The following DCC variants were observed in gnomAD, a reference collection of about 807,000 sequenced individuals.
The protein encoded by DCC is netrin receptor DCC.
A neutral mutation model predicts 172.5 loss-of-function variants in DCC; 58 were observed. The observed-to-expected ratio is 0.34, with a 90% CI of 0.27 to 0.42. The LOEUF (loss-of-function observed/expected upper bound fraction) is 0.42, where lower values mean the gene tolerates loss of function less well. DCC is among the 10% of genes least tolerant of loss of function. The pLI is 1.00. For missense variants in DCC, 1,740 were observed against 1,791.0 expected, an observed-to-expected ratio of 0.97 and a Z score of 0.51; for synonymous variants, 709 against 644.5, an observed-to-expected ratio of 1.10 and a Z score of -1.52.
chr18:52,578,774 G>T (rs1363553109), intron 1 of DCC, among the ~76,000 whole-genome samples: 1 of 152,164 alleles, frequency 6.6e-6, no homozygotes, highest in Non-Finnish European at 1.5e-5. Context: ...ACCGAGGTGG[G>T]TGGATCACGA....
chr18:52,506,214 C>T (rs2031225018), intron 1 of DCC, among the ~76,000 whole-genome samples: 1 of 152,028 alleles, frequency 6.6e-6, no homozygotes, highest in East Asian at 1.9e-4. Flanking sequence ...CTATGTCATA[C>T]ATTTTTAAAA....
chr18:53,291,604 G>T (rs2057005753), intron 12 of DCC, among the ~76,000 whole-genome samples: 1 of 151,670 alleles, frequency 6.6e-6, no homozygotes. Flanking sequence ...GCCTTTCTAG[G>T]GTGTAATTTT....
chr18:53,264,254 C>T (rs550180971), intron 12 of DCC, among the ~76,000 whole-genome samples: 26 of 151,974 alleles, frequency 1.7e-4, no homozygotes, highest in Admixed American at 7.2e-4. Context: ...TTTGGGAGGC[C>T]GAGGCAGGCA....
At chr18:52,741,626 CT>C (rs2036823449) in intron 1 of DCC, among the ~76,000 whole-genome samples, 1 of 152,110 alleles carries the variant, frequency 6.6e-6, no homozygotes, top group Non-Finnish European at 1.5e-5. Flanking sequence ...TTTTGCTCTC[CT>C]TATTGAAACT....
At position 52,953,880 on chromosome 18, in the gene DCC, C is replaced by T. The variant is rs140154273; in HGVS notation, c.985+28510C>T. On this transcript the variant is annotated intron_variant, in intron 5 of 28. Transcript: ENST00000442544. ...GATTGTGCTGTTATCTTATCTCCCT[C>T]CCATACTGGGTTTGCAAAAGCAATC... is the stretch of plus-strand genomic sequence containing the variant. Among the ~76,000 whole-genome samples, 540 of 152,286 alleles carry T rather than the reference C, an allele frequency of 3.5e-3. 9 individuals are homozygous for T. The highest frequency in any genetic ancestry group is 0.025 in the Admixed American group (385 of 15,294).
intron 1 of DCC, among the ~76,000 whole-genome samples, chr18:52,365,432 G>T (rs1362387976): frequency 1.3e-5 from 2 of 152,176 alleles, no homozygotes; most frequent in African/African-American, 4.8e-5. Context: ...ATTTAAAATT[G>T]TGTTAATATC....
intron 25 of DCC, among the ~76,000 whole-genome samples, chr18:53,478,917 C>T (rs545595669): frequency 1.8e-4 from 28 of 152,316 alleles, no homozygotes; most frequent in African/African-American, 4.6e-4. Flanking sequence ...GTCTGTGAGA[C>T]GATCATCCCT....
chr18:53,420,531 G>A (rs11082996), intron 21 of DCC, among the ~76,000 whole-genome samples: 65,598 of 151,956 alleles, frequency 0.43, 15,966 homozygotes, highest in Non-Finnish European at 0.56. Context: ...GAAGCTGGAA[G>A]TCCCAGATCA....
chr18:52,353,673 T>C (rs1250583518), intron 1 of DCC, among the ~76,000 whole-genome samples: 2 of 152,214 alleles, frequency 1.3e-5, no homozygotes, highest in Non-Finnish European at 2.9e-5. Flanking sequence ...TTGAAGCTTT[T>C]GCTCTGCACT....
intron 22 of DCC, among the ~76,000 whole-genome samples, chr18:53,439,464 G>T (rs1912133420): frequency 6.6e-6 from 1 of 152,054 alleles, no homozygotes; most frequent in Non-Finnish European, 1.5e-5. Flanking sequence ...AGGTTTCCTA[G>T]CTCCCTCTAC....
chr18:53,515,691 C>A (rs1475994034), intron 27 of DCC, among the ~76,000 whole-genome samples: 2 of 150,184 alleles, frequency 1.3e-5, no homozygotes, highest in African/African-American at 4.9e-5. Flanking sequence ...AGTGAACTCC[C>A]ATTCACAATT....
At chr18:53,376,576 C>T (rs1271941829) in intron 15 of DCC, among the ~76,000 whole-genome samples, 1 of 152,080 alleles carries the variant, frequency 6.6e-6, no homozygotes, top group Non-Finnish European at 1.5e-5. Flanking sequence ...CTAGTTAATT[C>T]AGTGGTAACA....
chr18:52,805,573 A>G (rs2038070532), intron 2 of DCC, among the ~76,000 whole-genome samples: 2 of 152,234 alleles, frequency 1.3e-5, no homozygotes, highest in Admixed American at 1.3e-4. Flanking sequence ...CACAGGTTAT[A>G]GAAAGATATT....
chr18:53,358,210 G>A (rs72927251), intron 15 of DCC, among the ~76,000 whole-genome samples: 2,175 of 151,632 alleles, frequency 0.014, 14 homozygotes, highest in Non-Finnish European at 0.023. Context: ...AGTGTGTTTC[G>A]GTGCTTTTAT....
At chr18:53,397,486 T>C (rs766513390) in intron 18 of DCC, 40 bp downstream of exon 18, 4 of 1,611,958 alleles carry the variant, frequency 2.5e-6, no homozygotes, top group Non-Finnish European at 3.4e-6. Flanking sequence ...TTGATAATGG[T>C]GTTTCCCAGG....
intron 7 of DCC, among the ~76,000 whole-genome samples, chr18:53,103,555 T>A (rs1031675085): frequency 1.3e-5 from 2 of 151,950 alleles, no homozygotes; most frequent in Non-Finnish European, 2.9e-5. Context: ...TGTTCATCCA[T>A]GATTAAAATA....
At chr18:52,651,432 C>G (rs1436577008) in intron 1 of DCC, among the ~76,000 whole-genome samples, 2 of 152,092 alleles carry the variant, frequency 1.3e-5, no homozygotes, top group Admixed American at 6.5e-5. Context: ...ATCCTCCTGC[C>G]TTGTCCTCCC....
At chr18:52,560,019 C>T (rs908812242) in intron 1 of DCC, among the ~76,000 whole-genome samples, 4 of 152,202 alleles carry the variant, frequency 2.6e-5, no homozygotes, top group South Asian at 2.1e-4. Context: ...CCTCTTATTG[C>T]GTATATTCCA....
Position 53,145,105 on chromosome 18 carries a change from CTTTTT to C in DCC, c.1262-12228_1262-12224del, listed in dbSNP as rs57501246. 8.1e-5 allele frequency among the ~76,000 whole-genome samples: 3 copies of C among 36,922 alleles called. No homozygotes were observed. The South Asian group carries it at 5.9e-3, about 72-fold the overall frequency. 24.2% of individuals were successfully genotyped at this position (36,922 alleles called of 152,430 possible). ...AGGTGATTAAGCTGTGAGGGCTCTG[CTTTTT>C]TTTTTTTTTTTTTTTTTTTTTTGAG... On this transcript the variant is annotated intron_variant, in intron 7 of 28. Coordinates refer to ENST00000442544, the MANE Select transcript of DCC (RefSeq NM_005215.4).
Sources: gnomAD v4.1 joint callset for allele counts (sites outside exome capture counted in the v4.1 genomes callset) on GRCh38, gnomAD v4.1.1 for gene constraint, MANE v1.5 for transcripts, NCBI Gene and HGNC (gene_info 2026-07-23, HGNC 2026-07-21) for gene names.